The following TPR variants were observed in gnomAD, a reference collection of about 807,000 sequenced individuals.
The protein encoded by TPR is nucleoprotein TPR.
A neutral mutation model predicts 316.1 loss-of-function variants in TPR; 51 were observed. The observed-to-expected ratio is 0.16, with a 90% CI of 0.13 to 0.20. The LOEUF (loss-of-function observed/expected upper bound fraction) is 0.20, where lower values mean the gene tolerates loss of function less well. Ranked by LOEUF, TPR falls within the 10% of genes least tolerant of loss-of-function variation. TPR has a pLI of 1.00. For missense variants in TPR, 2,272 were observed against 2,754.8 expected, an observed-to-expected ratio of 0.82 and a Z score of 3.92; for synonymous variants, 981 against 914.7, an observed-to-expected ratio of 1.07 and a Z score of -1.31.
intron 42 of TPR, among the ~76,000 whole-genome samples, chr1:186,324,881 G>A (rs1417321477): frequency 3.3e-5 from 5 of 151,994 alleles, no homozygotes; most frequent in South Asian, 2.1e-4. Context: ...TTTCAACTAC[G>A]TGATACACAA....
At position 186,336,449 on chromosome 1, in the gene TPR, C is replaced by CATA. The variant is rs749559877; in HGVS notation, c.4705+44_4705+46dup. 3 of 1,585,750 alleles carry CATA rather than the reference C, an allele frequency of 1.9e-6. No homozygotes were observed. The Admixed American group carries it at 5.0e-5, about 27-fold the overall frequency. On this transcript the variant is annotated intron_variant, in intron 33 of 50. Transcript: ENST00000367478. ...TCCATTTAGTTTTAGGCCTGCAACA[C>CATA]ATAATCAACTTTCACTACCAAGTTC... is the stretch of plus-strand genomic sequence containing the variant.
intron 3 of TPR, 54 bp downstream of exon 3, chr1:186,370,916 T>C: frequency 4.2e-6 from 6 of 1,442,290 alleles, no homozygotes; most frequent in Non-Finnish European, 5.8e-6. Flanking sequence ...CAGAATAGAA[T>C]GTCCCTTCAA....
chr1:186,327,380 C>T (rs1658033511), intron 40 of TPR, 80 bp downstream of exon 40: 18 of 1,285,558 alleles, frequency 1.4e-5, no homozygotes, highest in Non-Finnish European at 1.9e-5. Context: ...GAATTTACAG[C>T]CAATGCATTA....
Position 186,326,221 on chromosome 1 carries a change from A to C in TPR, c.5904T>G (p.Asp1968Glu). 1 of 1,610,184 alleles carries C rather than the reference A, an allele frequency of 6.2e-7. No homozygotes were observed. Among genetic ancestry groups the C allele is most frequent in the Non-Finnish European group, 8.5e-7 (1 of 1,177,860 alleles). ...NDGEHEDYEE[D>E]EEDDDDDEDD... ...CTTCATCATCATCATCATCTTCCTC[A>C]TCCTCTTCATAATCCTAGTAGAAAG... Residue 1968 changes from aspartate (D) to glutamate (E), a missense_variant, in exon 41 of 51, where the codon GAT becomes GAG. Asp to Glu is a conservative substitution (Grantham distance 45). Transcript: ENST00000367478.
intron 18 of TPR, 87 bp from the exon 19 acceptor site, chr1:186,352,197 T>G (rs1251823717): frequency 7.7e-7 from 1 of 1,291,100 alleles, no homozygotes; most frequent in Non-Finnish European, 1.0e-6. Context: ...GATTCATACA[T>G]CACTACTTTT....
rs1324406075 is a variant in TPR, at chr1:186,367,892, A to G, written c.421T>C (p.Leu141=). Residue 141 remains leucine (L), a synonymous_variant, in exon 4 of 51, where the codon TTA becomes CTA. Coordinates refer to ENST00000367478, the MANE Select transcript of TPR (RefSeq NM_003292.3). ...TACAAGCACTTCTTCATACCTGTTA[A>G]GTATTCAAGTTCTTGAGATAGTCTC... ...NERLSQELEY[L]TEDVKRLNEK... The G allele has an allele frequency of 1.2e-6, 2 of 1,604,850 alleles. No individual in the cohort carries two copies. The highest frequency in any genetic ancestry group is 1.7e-6 in the Non-Finnish European group (2 of 1,173,806).
chr1:186,355,895 A>T, intron 15 of TPR, 127 bp from the exon 16 acceptor site: 1 of 1,146,868 alleles, frequency 8.7e-7, no homozygotes, highest in Non-Finnish European at 1.2e-6. Context: ...AAACAATAAG[A>T]TTATAGGAGT....
At chr1:186,327,024 TATATATATAA>T (rs1169500074) in intron 40 of TPR, among the ~76,000 whole-genome samples, 2 of 79,034 alleles carry the variant, frequency 2.5e-5, no homozygotes, top group African/African-American at 1.0e-4. Flanking sequence ...ATATATATAT[TATATATATAA>T]ATATATATAA....
rs752899882 is a variant in TPR at position 186,345,710 on chromosome 1, A to G, written c.3097-14T>C. On this transcript the variant is annotated splice_polypyrimidine_tract_variant and intron_variant, in intron 23 of 50. Coordinates refer to ENST00000367478, the MANE Select transcript of TPR (RefSeq NM_003292.3). ...CAATTCAGATAACTAAGCAGAAAGA[A>G]CAAGATTAAAACCAAAATTAATTGC... 4.4e-6 allele frequency: 7 copies of G among 1,581,826 alleles called. No individual in the cohort carries two copies. Among genetic ancestry groups the G allele is most frequent in the Admixed American group, 1.7e-5 (1 of 59,646 alleles).
At position 186,347,474 on chromosome 1, in the gene TPR, G is replaced by A; in HGVS notation, c.2777-16C>T. On this transcript the variant is annotated splice_polypyrimidine_tract_variant and intron_variant, in intron 21 of 50. Coordinates refer to ENST00000367478, the MANE Select transcript of TPR (RefSeq NM_003292.3). ...CTAGGCTGACCTAAAAGACATAACA[G>A]CTCTGTTAAAATTAACATTTTCAAT... 2 of 1,609,362 alleles carry A rather than the reference G, an allele frequency of 1.2e-6. No homozygotes were observed. Among genetic ancestry groups the A allele is most frequent in the Non-Finnish European group, 1.7e-6 (2 of 1,178,246 alleles).
intron 4 of TPR, among the ~76,000 whole-genome samples, chr1:186,365,994 C>G (rs1407349077): frequency 2.0e-5 from 3 of 152,162 alleles, no homozygotes; most frequent in Non-Finnish European, 4.4e-5. Context: ...TGGTAACAGA[C>G]TATCTGGTGG....
chr1:186,371,806 T>C (rs1244890008), intron 2 of TPR, among the ~76,000 whole-genome samples: 1 of 152,194 alleles, frequency 6.6e-6, no homozygotes. Flanking sequence ...TATTTTGTTT[T>C]AATATTATTT....
intron 6 of TPR, 61 bp from the exon 7 acceptor site, chr1:186,362,441 T>C (rs1659224658): frequency 1.5e-6 from 2 of 1,331,338 alleles, no homozygotes; most frequent in Non-Finnish European, 1.1e-6. Context: ...TACTCTGACA[T>C]GAGGTTTATG....
intron 36 of TPR, among the ~76,000 whole-genome samples, chr1:186,333,890 C>T (rs1344774179): frequency 2.0e-5 from 3 of 152,108 alleles, no homozygotes; most frequent in African/African-American, 7.2e-5. Context: ...TTTTACTGAA[C>T]ACCTACTGTG....
intron 49 of TPR, among the ~76,000 whole-genome samples, chr1:186,316,288 G>C (rs1657610414): frequency 6.6e-6 from 1 of 152,070 alleles, no homozygotes; most frequent in South Asian, 2.1e-4. Flanking sequence ...AATCCTGATT[G>C]CAAGATTAGT....
At position 186,312,769 on chromosome 1, in the gene TPR, G is replaced by A. The variant is rs767690523; in HGVS notation, c.*1202C>T. ...CTTTTATTAAACATGCCACTTACAG[G>A]TGTCCTTCATAATGAAGTTAAAGTG... On this transcript the variant is annotated 3_prime_UTR_variant, in exon 51 of 51. Coordinates refer to ENST00000367478, the MANE Select transcript of TPR (RefSeq NM_003292.3). The A allele has an allele frequency of 6.2e-7, 1 of 1,612,760 alleles. No individual in the cohort carries two copies. The highest frequency in any genetic ancestry group is 8.5e-7 in the Non-Finnish European group (1 of 1,178,870).
chr1:186,312,898 A>C lies in TPR; in HGVS notation c.*1073T>G. On this transcript the variant is annotated 3_prime_UTR_variant, in exon 51 of 51. Transcript: ENST00000367478. Reference sequence around the variant, plus strand: ...GATTACTATGCCTTTTCTAAAGGTAAGGTATTAACTAACAGTTTCCCAAGG... The same window carrying C: ...GATTACTATGCCTTTTCTAAAGGTACGGTATTAACTAACAGTTTCCCAAGG... 1 of 1,610,988 alleles carries C rather than the reference A, an allele frequency of 6.2e-7. No homozygotes were observed. The highest frequency in any genetic ancestry group is 8.5e-7 in the Non-Finnish European group (1 of 1,177,136).
At chr1:186,366,171 G>A (rs539624713) in intron 4 of TPR, among the ~76,000 whole-genome samples, 3 of 152,240 alleles carry the variant, frequency 2.0e-5, no homozygotes, top group South Asian at 2.1e-4. Context: ...GCTGTATTTC[G>A]TAAAGTTACA....
Position 186,314,617 on chromosome 1 carries a change from T to A in TPR, c.7036+12A>T, listed in dbSNP as rs1405718690. On this transcript the variant is annotated intron_variant, in intron 50 of 50. Transcript: ENST00000367478. ...CATTCTATCATGTAATCCAGTTATG[T>A]CAGAAATTCACCTCTCTGTCTGTTA... is the stretch of plus-strand genomic sequence containing the variant. 6 of 1,594,648 alleles carry A rather than the reference T, an allele frequency of 3.8e-6. 1 individual carries two copies. In the Middle Eastern group the frequency reaches 5.0e-4, roughly 133 times the overall value.
Sources: allele counts gnomAD v4.1 joint callset (sites outside exome capture counted in the v4.1 genomes callset), GRCh38; gene constraint gnomAD v4.1.1; transcripts MANE v1.5; gene names NCBI Gene and HGNC (gene_info 2026-07-23, HGNC 2026-07-21).